GSDME: variants seen among roughly 807,000 people sequenced by gnomAD.
GSDME encodes gasdermin-E.
Under a neutral mutation model 47.5 loss-of-function variants are expected in GSDME, and 44 were observed. The observed-to-expected ratio is 0.93, with a 90% CI of 0.73 to 1.19. The LOEUF is 1.19. GSDME is among the 50% of genes most tolerant of loss of function. GSDME has a pLI of 0.00. For synonymous variants in GSDME, 258 were observed against 252.8 expected, an observed-to-expected ratio of 1.02 and a Z score of -0.20; for missense variants, 663 against 604.2, an observed-to-expected ratio of 1.10 and a Z score of -1.02.
chr7:24,730,014 G>C lies in GSDME; in HGVS notation c.405-10796C>G, dbSNP rs574695019. 3.9e-5 allele frequency among the ~76,000 whole-genome samples: 6 copies of C among 152,354 alleles called. 1 individual carries two copies. In the South Asian group the frequency reaches 1.2e-3, roughly 32 times the overall value. ...TTTAAGAGGCAGAATCAACTGGTAA[G>C]AGACAAGGTGTGGGAGAGAAGGTGA... On this transcript the variant is annotated intron_variant, in intron 3 of 9. Transcript: ENST00000645220.
chr7:24,766,183 T>TTGTGTGTGTG, the GSDME span, among the ~76,000 whole-genome samples: 12,612 of 144,482 alleles, frequency 0.087, 668 homozygotes, highest in East Asian at 0.2. This position sits in a 1 kb window ranked among gnomAD's most constrained non-coding sequence, Gnocchi z 4.2. Flanking sequence ...ATTACATTAT[T>TTGTGTGTGTG]TGTGTGTGTG....
In GSDME at chr7:24,725,184, G is replaced by C. The variant is rs892406554; in HGVS notation, c.405-5966C>G. On this transcript the variant is annotated intron_variant, in intron 3 of 9. Transcript: ENST00000645220. This position sits in a 1 kb window ranked among gnomAD's most constrained non-coding sequence, Gnocchi z 5.1. ...TCAATCTCCTCCTAGCTGAGCTACT[G>C]CTCCAGTCCTGAAGCTTAGTTTGCA... is the stretch of plus-strand genomic sequence containing the variant. Among the ~76,000 whole-genome samples the C allele has an allele frequency of 1.3e-5, 2 of 152,190 alleles. No homozygotes were observed. Among genetic ancestry groups the C allele is most frequent in the African/African-American group, 4.8e-5 (2 of 41,448 alleles).
chr7:24,792,879 T>C, the GSDME span, among the ~76,000 whole-genome samples: 1 of 152,178 alleles, frequency 6.6e-6, no homozygotes, highest in Non-Finnish European at 1.5e-5. Flanking sequence ...GGGTAGTACA[T>C]GTGCTAAAAG....
the GSDME span, among the ~76,000 whole-genome samples, chr7:24,769,924 A>T: frequency 1.3e-5 from 2 of 152,238 alleles, no homozygotes; most frequent in Non-Finnish European, 2.9e-5. Flanking sequence ...TGGCATAATA[A>T]AATAGATTTG....
At chr7:24,792,768 G>A in the GSDME span, among the ~76,000 whole-genome samples, 7 of 142,240 alleles carry the variant, frequency 4.9e-5, no homozygotes, top group Non-Finnish European at 9.4e-5. Context: ...GGTTAGCAGC[G>A]CAAGGTAGGG....
intron 5 of GSDME, among the ~76,000 whole-genome samples, chr7:24,710,880 T>G (rs1789327321): frequency 6.6e-6 from 1 of 152,214 alleles, no homozygotes; most frequent in African/African-American, 2.4e-5. Flanking sequence ...AATAAAATAC[T>G]GATGTCTGCA....
chr7:24,699,648 C>T (rs749828763), intron 9 of GSDME, among the ~76,000 whole-genome samples: 6 of 152,058 alleles, frequency 3.9e-5, no homozygotes, highest in Admixed American at 6.6e-5. Flanking sequence ...CCAACTATGT[C>T]GTTTTTTAAA....
chr7:24,719,244 G>A, intron 3 of GSDME, 26 bp from the exon 4 acceptor site: 8 of 1,603,504 alleles, frequency 5.0e-6, no homozygotes, highest in East Asian at 2.2e-5. Flanking sequence ...GGATGTGAGT[G>A]GCTTAGTGCC....
chr7:24,749,447 G>A lies in GSDME; in HGVS notation c.211+117C>T, dbSNP rs144996416. On this transcript the variant is annotated intron_variant, in intron 2 of 9. Transcript: ENST00000645220. ...AACCTGGGAGGCAGAGGTTGCAATG[G>A]GCCAAGATCACGCCACTGCACTCCA... 1.7e-3 allele frequency: 1,541 copies of A among 889,850 alleles called. 18 individuals are homozygous for A. In the African/African-American group the frequency reaches 0.023, roughly 13 times the overall value. The allele number at this position is 889,850 out of a possible 1,614,324, so 55.1% of individuals were successfully genotyped here.
rs747478728 is a variant in GSDME, at chr7:24,754,387, A to T, written c.-20+3009T>A. Among the ~76,000 whole-genome samples, 10 of 151,982 alleles carry T rather than the reference A, an allele frequency of 6.6e-5. No homozygotes were observed. Among genetic ancestry groups the T allele is most frequent in the Non-Finnish European group, 1.3e-4 (9 of 68,002 alleles). ...GTAATCCCAGCTACTCGGGAGGCTG[A>T]GGCAGGAGAATCACTTGAACCTGGG... On this transcript the variant is annotated intron_variant, in intron 1 of 9. Coordinates refer to ENST00000645220, the MANE Select transcript of GSDME (RefSeq NM_001127453.2). This position sits in a 1 kb window ranked among gnomAD's most constrained non-coding sequence, Gnocchi z 5.0.
the GSDME span, among the ~76,000 whole-genome samples, chr7:24,776,675 T>C: frequency 7.9e-5 from 12 of 152,232 alleles, no homozygotes. Flanking sequence ...ATAAGTTCTA[T>C]TAAGCAAATG....
At chr7:24,715,896 CAGAA>C (rs1436830359) in intron 5 of GSDME, among the ~76,000 whole-genome samples, 38 of 152,184 alleles carry the variant, frequency 2.5e-4, no homozygotes, top group African/African-American at 8.4e-4. Context: ...TCTTCATTTG[CAGAA>C]TGAGAGAGGG....
In GSDME at chr7:24,732,547, GT is replaced by G. The variant is rs1341929133; in HGVS notation, c.404+12014del. 6.6e-6 allele frequency among the ~76,000 whole-genome samples: 1 copy of G among 152,238 alleles called. No individual in the cohort carries two copies. Among genetic ancestry groups the G allele is most frequent in the African/African-American group, 2.4e-5 (1 of 41,464 alleles). ...GGCACTGAAGAGGGTAGGAAAGGCAGTCTTGAATTGCCAACACCACCCCTCC... is the reference window on the plus strand; with the variant it reads ...GGCACTGAAGAGGGTAGGAAAGGCAGCTTGAATTGCCAACACCACCCCTCC... On this transcript the variant is annotated intron_variant, in intron 3 of 9. Transcript: ENST00000645220. The surrounding 1 kb of genome is among the most constrained non-coding windows in gnomAD (Gnocchi z 4.8).
rs1479508646 is a variant in GSDME, at chr7:24,735,698, C to A, written c.404+8864G>T. On this transcript the variant is annotated intron_variant, in intron 3 of 9. Transcript: ENST00000645220. This position sits in a 1 kb window ranked among gnomAD's most constrained non-coding sequence, Gnocchi z 4.4. ...ACTGGAACCTGGGAGGTAGAGGTTG[C>A]GATGAGCCGAGATTGCACCACTGCA... Among the ~76,000 whole-genome samples the A allele has an allele frequency of 6.6e-6, 1 of 151,612 alleles. No homozygotes were observed. The highest frequency in any genetic ancestry group is 1.9e-4 in the East Asian group (1 of 5,166).
chr7:24,765,949 G>T, the GSDME span, among the ~76,000 whole-genome samples: 1 of 152,282 alleles, frequency 6.6e-6, no homozygotes, highest in South Asian at 2.1e-4. Context: ...ACTCAGATCT[G>T]AGTTCCATGC....
chr7:24,698,976 C>G lies in GSDME; in HGVS notation c.*50G>C. On this transcript the variant is annotated 3_prime_UTR_variant, in exon 10 of 10. Coordinates refer to ENST00000645220, the MANE Select transcript of GSDME (RefSeq NM_001127453.2). The stretch of plus-strand genomic sequence containing the variant: ...AACGTGCATATGACCTTTAACAGTT[C>G]TGAAAAATAGCCTTGGCCAGTAACA... 7.7e-7 allele frequency: 1 copy of G among 1,304,348 alleles called. No individual in the cohort carries two copies. 80.8% of individuals were successfully genotyped at this position (1,304,348 alleles called of 1,614,324 possible).
intron 5 of GSDME, among the ~76,000 whole-genome samples, chr7:24,711,954 A>C (rs1396833520): frequency 6.6e-6 from 1 of 152,214 alleles, no homozygotes; most frequent in East Asian, 1.9e-4. Flanking sequence ...TGAGCTCAAG[A>C]ATTAGCATTC....
intron 6 of GSDME, 119 bp downstream of exon 6, chr7:24,710,103 CTT>C (rs1789285642): frequency 8.7e-7 from 1 of 1,148,934 alleles, no homozygotes; most frequent in Non-Finnish European, 1.3e-6. Context: ...CATCACCTCT[CTT>C]CTCATATGTT....
chr7:24,791,707 A>G, the GSDME span, among the ~76,000 whole-genome samples: 1 of 152,282 alleles, frequency 6.6e-6, no homozygotes, highest in Admixed American at 6.5e-5. The surrounding 1 kb of genome is among the most constrained non-coding windows in gnomAD (Gnocchi z 4.8). Flanking sequence ...ACTAAAGCAC[A>G]AGTGCCACTC....
Sources: allele counts gnomAD v4.1 joint callset (sites outside exome capture counted in the v4.1 genomes callset), GRCh38; gene constraint gnomAD v4.1.1; non-coding constraint Gnocchi (gnomAD v3.1); transcripts MANE v1.5; gene names NCBI Gene and HGNC (gene_info 2026-07-23, HGNC 2026-07-21).